FER1L6: variants seen among roughly 807,000 people sequenced by gnomAD.
FER1L6 encodes fer-1-like protein 6.
FER1L6 carries 177 observed loss-of-function variants against 219.2 expected under a neutral mutation model. The ratio of observed to expected loss-of-function variants is 0.81; its 90% CI spans 0.71 to 0.91. FER1L6 has a LOEUF of 0.91. FER1L6 is among the 40% of genes least tolerant of loss of function. The pLI is 0.00. For missense variants in FER1L6, 2,153 were observed against 2,259.9 expected (o/e 0.95, Z 0.96); for synonymous variants, 768 against 824.3 (o/e 0.93, Z 1.17).
intron 18 of FER1L6, among the ~76,000 whole-genome samples, chr8:124,026,113 G>T (rs1430418904): frequency 2.0e-5 from 3 of 152,314 alleles, no homozygotes; most frequent in Middle Eastern, 3.4e-3. Context: ...TCTCTGGACA[G>T]ATTCTACTGT....
At chr8:123,959,877 T>TAA (rs1371657502) in intron 2 of FER1L6, among the ~76,000 whole-genome samples, 69 of 152,330 alleles carry the variant, frequency 4.5e-4, no homozygotes, top group African/African-American at 1.5e-3. Context: ...TGAAGTTCCA[T>TAA]ATCAAGTTAC....
chr8:123,945,056 G>T (rs1307691698), intron 1 of FER1L6, among the ~76,000 whole-genome samples: 3 of 152,172 alleles, frequency 2.0e-5, no homozygotes, highest in East Asian at 1.9e-4. Flanking sequence ...TTTCCTCATT[G>T]TTTGTGCAGT....
intron 1 of FER1L6, among the ~76,000 whole-genome samples, chr8:123,874,184 A>G (rs965294407): frequency 3.3e-5 from 5 of 152,188 alleles, no homozygotes; most frequent in African/African-American, 1.2e-4. Flanking sequence ...ATGACTACAA[A>G]TCTCAAGTGA....
At chr8:124,010,985 A>G (rs759990742) in intron 14 of FER1L6, among the ~76,000 whole-genome samples, 2 of 152,034 alleles carry the variant, frequency 1.3e-5, no homozygotes, top group Non-Finnish European at 2.9e-5. Flanking sequence ...CTGTTTTTCT[A>G]ATCTCCAAAG....
chr8:123,870,384 A>G (rs992624484), intron 1 of FER1L6, among the ~76,000 whole-genome samples: 21 of 152,198 alleles, frequency 1.4e-4, no homozygotes, highest in Admixed American at 1.2e-3. Context: ...ATTACCTCAA[A>G]CAGTAAACAA....
chr8:123,895,617 A>C (rs747695671), intron 1 of FER1L6, among the ~76,000 whole-genome samples: 1 of 152,144 alleles, frequency 6.6e-6, no homozygotes, highest in Non-Finnish European at 1.5e-5. Context: ...CCTCTCAACA[A>C]AAAAACAAAG....
chr8:124,010,569 C>T, intron 13 of FER1L6, 25 bp from the exon 14 acceptor site: 1 of 1,612,406 alleles, frequency 6.2e-7, no homozygotes, highest in Non-Finnish European at 8.5e-7. Flanking sequence ...TACCAGCTAA[C>T]TTCCAGACCT....
intron 1 of FER1L6, among the ~76,000 whole-genome samples, chr8:123,923,904 C>T (rs555741341): frequency 2.3e-4 from 34 of 146,824 alleles, no homozygotes; most frequent in Admixed American, 3.5e-4. Context: ...CACGCCCCCG[C>T]GCTCCAGCCT....
chr8:123,964,545 T>A (rs925642951), intron 3 of FER1L6, among the ~76,000 whole-genome samples: 1 of 152,146 alleles, frequency 6.6e-6, no homozygotes, highest in Non-Finnish European at 1.5e-5. Flanking sequence ...CCTTCCTTCC[T>A]TTGCCGCACC....
At chr8:123,968,595 T>C (rs1185216117) in intron 5 of FER1L6, among the ~76,000 whole-genome samples, 1 of 152,236 alleles carries the variant, frequency 6.6e-6, no homozygotes, top group Non-Finnish European at 1.5e-5. Flanking sequence ...TGAAGAATGT[T>C]GTGTAAGTGA....
Position 123,918,047 on chromosome 8 carries a change from C to T in FER1L6, c.-7-37945C>T, listed in dbSNP as rs11998642. Among the ~76,000 whole-genome samples, 1,163 of 152,272 alleles carry T rather than the reference C, an allele frequency of 7.6e-3. 18 individuals carry two copies. The highest frequency in any genetic ancestry group is 0.027 in the African/African-American group (1,126 of 41,546). ...AATACAGGCCGGGCCTAGTGGCTCA[C>T]ACCTGTAATCCCAGCACTTTGGGAG... On this transcript the variant is annotated intron_variant, in intron 1 of 40. Coordinates refer to ENST00000522917, the MANE Select transcript of FER1L6 (RefSeq NM_001039112.2).
rs917231395 is a variant in FER1L6 at position 124,111,207 on chromosome 8, T to G, written c.5290-7637T>G. On this transcript the variant is annotated intron_variant, in intron 39 of 40. Coordinates refer to ENST00000522917, the MANE Select transcript of FER1L6 (RefSeq NM_001039112.2). The surrounding 1 kb of genome is among the most constrained non-coding windows in gnomAD (Gnocchi z 5.0). ...AGAAAAGAAAAGGGGGAAGGAAATC[T>G]CTTCCCATTTTCAACAGGGAGAACT... is the stretch of plus-strand genomic sequence containing the variant. Among the ~76,000 whole-genome samples the G allele has an allele frequency of 8.5e-5, 13 of 152,220 alleles. No homozygotes were observed. Among genetic ancestry groups the G allele is most frequent in the African/African-American group, 3.1e-4 (13 of 41,446 alleles).
intron 1 of FER1L6, among the ~76,000 whole-genome samples, chr8:123,928,079 T>A (rs1344760245): frequency 6.6e-6 from 1 of 152,174 alleles, no homozygotes; most frequent in Non-Finnish European, 1.5e-5. Flanking sequence ...TGAATGGCAT[T>A]TGGAAAAAAA....
In FER1L6 at chr8:123,963,359, C is replaced by T; in HGVS notation, c.158C>T (p.Ala53Val). The change falls in exon 3 of 41, where the codon GCT (alanine) becomes GTT (valine). Residue 53 changes from alanine (A) to valine (V), a missense_variant. Coordinates refer to ENST00000522917, the MANE Select transcript of FER1L6 (RefSeq NM_001039112.2). ...AGAGGAGATTTGGTCCATGATGATG[C>T]TTCTATCTTTCCTGTCCCCTCAGCT... ...GPRGDLVHDDASIFPVPSASP... is the reference protein window; with the variant it reads ...GPRGDLVHDDVSIFPVPSASP... 2 of 1,614,174 alleles carry T rather than the reference C, an allele frequency of 1.2e-6. No individual in the cohort carries two copies. The highest frequency in any genetic ancestry group is 2.2e-5 in the South Asian group (2 of 91,084).
At chr8:123,869,428 C>T (rs1247131826) in intron 1 of FER1L6, among the ~76,000 whole-genome samples, 1 of 152,180 alleles carries the variant, frequency 6.6e-6, no homozygotes, top group Non-Finnish European at 1.5e-5. Context: ...GGAAATACGT[C>T]TGAAGCTGAG....
intron 32 of FER1L6, 104 bp from the exon 33 acceptor site, chr8:124,082,184 T>G: frequency 2.4e-6 from 2 of 835,550 alleles, no homozygotes; most frequent in Non-Finnish European, 3.8e-6. Flanking sequence ...GCTGAGTGTT[T>G]AATGAGTTCA....
chr8:124,051,406 C>G (rs147737571), intron 22 of FER1L6, among the ~76,000 whole-genome samples: 1 of 152,132 alleles, frequency 6.6e-6, no homozygotes, highest in South Asian at 2.1e-4. Flanking sequence ...GATACAGGCC[C>G]CTCAACCTCA....
chr8:123,910,198 T>G (rs904604076), intron 1 of FER1L6, among the ~76,000 whole-genome samples: 2 of 152,188 alleles, frequency 1.3e-5, no homozygotes, highest in Admixed American at 6.5e-5. Context: ...ATCAGTGGTC[T>G]AGGGTATGCC....
intron 1 of FER1L6, among the ~76,000 whole-genome samples, chr8:123,907,197 C>T (rs145239703): frequency 1.8e-3 from 267 of 152,258 alleles, no homozygotes; most frequent in African/African-American, 6.2e-3. Flanking sequence ...ACTTTGCTAC[C>T]ACCAGCACAC....
Sources: allele counts gnomAD v4.1 joint callset (sites outside exome capture counted in the v4.1 genomes callset), GRCh38; gene constraint gnomAD v4.1.1; non-coding constraint Gnocchi (gnomAD v3.1); transcripts MANE v1.5; gene names NCBI Gene and HGNC (gene_info 2026-07-23, HGNC 2026-07-21).